MARCHF1: variants seen among roughly 807,000 people sequenced by gnomAD.
MARCHF1 encodes E3 ubiquitin-protein ligase MARCHF1.
MARCHF1 carries 40 observed loss-of-function variants against 54.2 expected under a neutral mutation model. The ratio of observed to expected loss-of-function variants is 0.74; its 90% CI spans 0.57 to 0.96. MARCHF1 has a LOEUF of 0.96. MARCHF1 is among the 40% of genes least tolerant of loss of function. The pLI, the probability that MARCHF1 is intolerant of heterozygous loss-of-function variation, is 0.00. For synonymous variants in MARCHF1, 236 were observed against 236.3 expected (o/e 1.00, Z 0.01); for missense variants, 586 against 656.5 (o/e 0.89, Z 1.17).
At chr4:163,762,806 A>G (rs1746865995) in intron 4 of MARCHF1, among the ~76,000 whole-genome samples, 1 of 152,102 alleles carries the variant, frequency 6.6e-6, no homozygotes. Context: ...GGTTATTATG[A>G]ATATGATAAT....
chr4:163,816,237 TA>T lies in MARCHF1; in HGVS notation c.111+37783del, dbSNP rs1484900141. Among the ~76,000 whole-genome samples, 19 of 152,268 alleles carry T rather than the reference TA, an allele frequency of 1.2e-4. 1 individual carries two copies. In the East Asian group the frequency reaches 3.7e-3, roughly 29 times the overall value. ...TTGAAAAATTGGCTAGGTAAGGAAA[TA>T]AAACCTGAGGCTGATCAATAGTCAG... On this transcript the variant is annotated intron_variant, in intron 4 of 9. Coordinates refer to ENST00000514618, the MANE Select transcript of MARCHF1 (RefSeq NM_001394959.1).
chr4:164,156,214 A>T (rs1178912604), intron 1 of MARCHF1, among the ~76,000 whole-genome samples: 3 of 151,974 alleles, frequency 2.0e-5, no homozygotes, highest in African/African-American at 7.3e-5. Flanking sequence ...ACTCCAAAAA[A>T]TTTTTCTCGC....
chr4:164,220,667 C>CTATATATGCATATATGTAATATATATGA (rs559295765), intron 1 of MARCHF1, among the ~76,000 whole-genome samples: 10 of 134,322 alleles, frequency 7.4e-5, no homozygotes, highest in Admixed American at 1.5e-4. Context: ...AATATATATG[C>CTATATATGCATATATGTAATATATATGA]TATATGTATA....
chr4:163,621,501 T>C (rs1161412196), intron 5 of MARCHF1, among the ~76,000 whole-genome samples: 1 of 152,166 alleles, frequency 6.6e-6, no homozygotes, highest in African/African-American at 2.4e-5. Flanking sequence ...ATTAGATTTT[T>C]TTCTGAGATT....
rs543595391 is a variant in MARCHF1 at position 163,968,180 on chromosome 4, C to T, written c.-39+20321G>A. Reference sequence around the variant, plus strand: ...AGTCAGGAATTTTTGTATCCATCTCCGTGAGAACCTTGGTTTGCAGATAGC... The same window carrying T: ...AGTCAGGAATTTTTGTATCCATCTCTGTGAGAACCTTGGTTTGCAGATAGC... On this transcript the variant is annotated intron_variant, in intron 3 of 9. Transcript: ENST00000514618. Among the ~76,000 whole-genome samples the T allele has an allele frequency of 2.5e-4, 38 of 152,200 alleles. No homozygotes were observed. The South Asian group carries it at 2.9e-3, about 12-fold the overall frequency.
chr4:164,081,234 A>AAAAAAAAAAG lies in MARCHF1; in HGVS notation c.-248+30353_-248+30354insCTTTTTTTTT. 2.7e-5 allele frequency among the ~76,000 whole-genome samples: 4 copies of AAAAAAAAAAG among 146,876 alleles called. No homozygotes were observed. In the East Asian group the frequency reaches 5.9e-4, roughly 22 times the overall value. ...AAAAAAAAAAAAAAAAAAAAAAAAAAAAAGAAATATTATTTGCATATTAAA... is the reference window on the plus strand; with the variant it reads ...AAAAAAAAAAAAAAAAAAAAAAAAAAAAAAAAAAAGAAAGAAATATTATTTGCATATTAAA... On this transcript the variant is annotated intron_variant, in intron 2 of 9. Transcript: ENST00000514618.
chr4:163,742,534 T>C (rs2111362301), intron 4 of MARCHF1, among the ~76,000 whole-genome samples: 1 of 152,096 alleles, frequency 6.6e-6, no homozygotes, highest in East Asian at 1.9e-4. Flanking sequence ...TAGAATTCAG[T>C]AGCATGATCA....
At chr4:163,547,020 C>G (rs184262175) in intron 8 of MARCHF1, among the ~76,000 whole-genome samples, 1 of 152,108 alleles carries the variant, frequency 6.6e-6, no homozygotes, top group African/African-American at 2.4e-5. Flanking sequence ...GGATTCTTTA[C>G]ATTATTACGC....
rs191291135 is a variant in MARCHF1 at position 163,781,408 on chromosome 4, C to T, written c.111+72613G>A. On this transcript the variant is annotated intron_variant, in intron 4 of 9. Transcript: ENST00000514618. ...ATTATTTCAGGCTTGGAGCCAGATACGGCCATTTTCTGTACCTGAGCCCAA... is the reference window on the plus strand; with the variant it reads ...ATTATTTCAGGCTTGGAGCCAGATATGGCCATTTTCTGTACCTGAGCCCAA... 1.6e-3 allele frequency among the ~76,000 whole-genome samples: 250 copies of T among 152,214 alleles called. 1 individual carries two copies. Among genetic ancestry groups the T allele is most frequent in the African/African-American group, 5.8e-3 (239 of 41,532 alleles).
intron 4 of MARCHF1, among the ~76,000 whole-genome samples, chr4:163,705,778 C>G (rs139118793): frequency 6.4e-4 from 97 of 152,030 alleles, no homozygotes; most frequent in African/African-American, 2.2e-3. Flanking sequence ...ATTAGGGGTG[C>G]TTGCTATAAT....
At chr4:163,930,874 G>A (rs987391378) in intron 3 of MARCHF1, among the ~76,000 whole-genome samples, 2 of 152,088 alleles carry the variant, frequency 1.3e-5, no homozygotes, top group Admixed American at 1.3e-4. Context: ...GCATGAAATA[G>A]GGATGTAACA....
At position 163,584,325 on chromosome 4, in the gene MARCHF1, A is replaced by G. The variant is rs543038745; in HGVS notation, c.1191+1424T>C. 2.0e-5 allele frequency: 3 copies of G among 151,960 alleles called. No individual in the cohort carries two copies. The East Asian group carries it at 5.8e-4, about 29-fold the overall frequency. The allele number at this position is 151,960 out of a possible 1,614,324, so 9.4% of individuals were successfully genotyped here. On this transcript the variant is annotated intron_variant, in intron 8 of 9. Coordinates refer to ENST00000514618, the MANE Select transcript of MARCHF1 (RefSeq NM_001394959.1). ...AAATTTTATGTAAATTTAGCATGAG[A>G]AAAAAAATGAAGAAATATATAGATT... is the stretch of plus-strand genomic sequence containing the variant.
chr4:163,635,362 A>T (rs553045759), intron 5 of MARCHF1, among the ~76,000 whole-genome samples: 9 of 151,778 alleles, frequency 5.9e-5, no homozygotes, highest in Non-Finnish European at 1.3e-4. Context: ...AAGACTAATA[A>T]AAAAAGATAG....
At chr4:164,068,684 G>A (rs894683904) in intron 2 of MARCHF1, among the ~76,000 whole-genome samples, 4 of 152,080 alleles carry the variant, frequency 2.6e-5, no homozygotes, top group African/African-American at 4.8e-5. Flanking sequence ...GACGAGTGCC[G>A]CCCCCTGCTC....
chr4:164,253,498 AACAG>A (rs1432256092), intron 1 of MARCHF1, among the ~76,000 whole-genome samples: 2 of 152,202 alleles, frequency 1.3e-5, no homozygotes, highest in African/African-American at 4.8e-5. Context: ...GAACTAAAAT[AACAG>A]ACAGTAGGAT....
At chr4:164,155,617 G>C (rs183322157) in intron 1 of MARCHF1, among the ~76,000 whole-genome samples, 11 of 152,200 alleles carry the variant, frequency 7.2e-5, no homozygotes, top group African/African-American at 2.6e-4. Flanking sequence ...ACTTACAAGT[G>C]GGAGCTAAAT....
At chr4:163,879,833 G>A (rs1750376623) in intron 3 of MARCHF1, among the ~76,000 whole-genome samples, 1 of 151,440 alleles carries the variant, frequency 6.6e-6, no homozygotes, top group South Asian at 2.1e-4. Flanking sequence ...GTGTGTGTGT[G>A]TAGCTTTTAT....
chr4:164,139,877 A>G (rs1756485848), intron 1 of MARCHF1, among the ~76,000 whole-genome samples: 1 of 152,206 alleles, frequency 6.6e-6, no homozygotes, highest in African/African-American at 2.4e-5. Context: ...GAGATATTAA[A>G]CAAACAAAAA....
chr4:164,357,563 G>A (rs1049854677), intron 1 of MARCHF1, among the ~76,000 whole-genome samples: 1 of 152,128 alleles, frequency 6.6e-6, no homozygotes, highest in Non-Finnish European at 1.5e-5. Flanking sequence ...AATTAGGAGG[G>A]TGTAATTCAG....
Sources: allele counts gnomAD v4.1 joint callset (sites outside exome capture counted in the v4.1 genomes callset), GRCh38; gene constraint gnomAD v4.1.1; transcripts MANE v1.5; gene names NCBI Gene and HGNC (gene_info 2026-07-23, HGNC 2026-07-21).